The following GRM7 variants were observed in gnomAD, a reference collection of about 807,000 sequenced individuals.
GRM7 encodes the protein glutamate metabotropic receptor 7.
GRM7 carries 35 observed loss-of-function variants against 84.5 expected under a neutral mutation model. The observed-to-expected ratio is 0.41, with a 90% CI of 0.32 to 0.55. GRM7 has a LOEUF of 0.55. Among genes scored for constraint, GRM7 ranks in the 20% least tolerant of loss-of-function variants. The pLI is 0.19. For synonymous variants in GRM7, 487 were observed against 455.1 expected (o/e 1.07, Z -0.89); for missense variants, 1,003 against 1,194.6 (o/e 0.84, Z 2.36).
intron 7 of GRM7, among the ~76,000 whole-genome samples, chr3:7,550,569 C>G (rs1051207733): frequency 2.2e-3 from 217 of 96,758 alleles, no homozygotes; most frequent in African/African-American, 7.1e-3. Context: ...CTCTCTCTCT[C>G]TCTCTCTCTG....
chr3:7,308,180 C>T (rs927044745), intron 4 of GRM7, among the ~76,000 whole-genome samples: 4 of 152,188 alleles, frequency 2.6e-5, no homozygotes, highest in African/African-American at 7.2e-5. Flanking sequence ...TTACAAGACA[C>T]TGGGGAGACC....
chr3:7,401,415 A>T (rs552243326), intron 4 of GRM7, among the ~76,000 whole-genome samples: 118 of 152,226 alleles, frequency 7.8e-4, no homozygotes, highest in Non-Finnish European at 1.5e-3. Flanking sequence ...CCATATTTAT[A>T]ATGTTGCCAT....
At chr3:7,431,794 T>G (rs1465697706) in intron 5 of GRM7, among the ~76,000 whole-genome samples, 1 of 152,236 alleles carries the variant, frequency 6.6e-6, no homozygotes, top group Non-Finnish European at 1.5e-5. Flanking sequence ...CTATGAATAT[T>G]GGACAACCTG....
At chr3:7,367,361 T>C (rs984735618) in intron 4 of GRM7, among the ~76,000 whole-genome samples, 13 of 151,892 alleles carry the variant, frequency 8.6e-5, no homozygotes, top group African/African-American at 3.1e-4. Flanking sequence ...ATTCTTTTTG[T>C]TGGAGGGTAT....
At chr3:6,872,372 A>G (rs143869035) in intron 1 of GRM7, among the ~76,000 whole-genome samples, 2 of 152,068 alleles carry the variant, frequency 1.3e-5, no homozygotes, top group Non-Finnish European at 2.9e-5. Context: ...TCTTACTCTC[A>G]GTCTTGCTCT....
intron 8 of GRM7, chr3:7,608,153 T>G (rs930603560): frequency 1.7e-5 from 3 of 174,202 alleles, no homozygotes; most frequent in Admixed American, 5.7e-5. Flanking sequence ...TCAGGTTGAC[T>G]CCATGTCTTT....
intron 7 of GRM7, among the ~76,000 whole-genome samples, chr3:7,539,429 C>T (rs1288263749): frequency 6.6e-6 from 1 of 152,102 alleles, no homozygotes; most frequent in Non-Finnish European, 1.5e-5. Context: ...GTAATCCCAG[C>T]ACTTTGGGAG....
At chr3:7,646,134 T>C (rs1698626499) in intron 8 of GRM7, among the ~76,000 whole-genome samples, 1 of 152,134 alleles carries the variant, frequency 6.6e-6, no homozygotes, top group Non-Finnish European at 1.5e-5. Context: ...GTCACGCCGG[T>C]TTTTTCCCTT....
At chr3:7,371,918 C>G (rs191981923) in intron 4 of GRM7, among the ~76,000 whole-genome samples, 1 of 152,084 alleles carries the variant, frequency 6.6e-6, no homozygotes, top group Non-Finnish European at 1.5e-5. Flanking sequence ...TGTTCCGGAA[C>G]AGGGGACCCT....
chr3:6,891,695 C>A (rs567872664), intron 1 of GRM7, among the ~76,000 whole-genome samples: 1 of 152,278 alleles, frequency 6.6e-6, no homozygotes, highest in African/African-American at 2.4e-5. Context: ...TTTGGCAAAT[C>A]TGACAATTAT....
chr3:7,135,129 A>G (rs921583336), intron 1 of GRM7, among the ~76,000 whole-genome samples: 2 of 152,242 alleles, frequency 1.3e-5, no homozygotes, highest in Non-Finnish European at 2.9e-5. Flanking sequence ...ATTCAAGATT[A>G]TTAGTTATCT....
chr3:7,437,333 C>T (rs1697099205), intron 5 of GRM7, among the ~76,000 whole-genome samples: 1 of 152,174 alleles, frequency 6.6e-6, no homozygotes, highest in South Asian at 2.1e-4. Context: ...CTATCCACTT[C>T]TCTCTCCTAT....
rs1174299474 is a variant in GRM7, at chr3:7,540,891, G to T, written c.1516-37531G>T. ...CAGCAGTAAAAAGGAAAGAATGATA[G>T]GTATAGGCAAGGGCATAGATGAATC... On this transcript the variant is annotated intron_variant, in intron 7 of 9. Coordinates refer to ENST00000357716, the MANE Select transcript of GRM7 (RefSeq NM_000844.4). 3.9e-5 allele frequency among the ~76,000 whole-genome samples: 6 copies of T among 152,204 alleles called. No individual in the cohort carries two copies. The South Asian group carries it at 1.2e-3, about 32-fold the overall frequency.
chr3:6,887,526 C>T (rs1309913363), intron 1 of GRM7, among the ~76,000 whole-genome samples: 1 of 152,038 alleles, frequency 6.6e-6, no homozygotes, highest in Non-Finnish European at 1.5e-5. Flanking sequence ...TGATGATTTC[C>T]AATTTCATCC....
chr3:7,374,584 T>G (rs1227976666), intron 4 of GRM7, among the ~76,000 whole-genome samples: 8 of 151,964 alleles, frequency 5.3e-5, no homozygotes, highest in Non-Finnish European at 8.8e-5. Flanking sequence ...GTTCAAGCGA[T>G]TCTTCTGCCT....
intron 8 of GRM7, among the ~76,000 whole-genome samples, chr3:7,593,262 C>T (rs1695878286): frequency 6.6e-6 from 1 of 152,040 alleles, no homozygotes; most frequent in African/African-American, 2.4e-5. Context: ...CCTTATTTTC[C>T]AGTGATTTTG....
At chr3:7,048,240 C>T (rs1441788736) in intron 1 of GRM7, among the ~76,000 whole-genome samples, 6 of 151,860 alleles carry the variant, frequency 4.0e-5, no homozygotes, top group Admixed American at 2.0e-4. Context: ...GAGTCATGGC[C>T]TTTTTATAAG....
chr3:7,628,424 C>T (rs777285867), intron 8 of GRM7, among the ~76,000 whole-genome samples: 2 of 152,176 alleles, frequency 1.3e-5, no homozygotes, highest in Non-Finnish European at 2.9e-5. Flanking sequence ...GCAATCATTG[C>T]AAACTAGTCT....
At chr3:7,408,681 C>T (rs966514102) in intron 4 of GRM7, among the ~76,000 whole-genome samples, 12 of 152,204 alleles carry the variant, frequency 7.9e-5, no homozygotes, top group Non-Finnish European at 1.3e-4. Flanking sequence ...AAACTGACAC[C>T]TGTAACACTG....
Sources: gnomAD v4.1 joint callset for allele counts (sites outside exome capture counted in the v4.1 genomes callset) on GRCh38, gnomAD v4.1.1 for gene constraint, MANE v1.5 for transcripts, NCBI Gene and HGNC (gene_info 2026-07-23, HGNC 2026-07-21) for gene names.